Variants in SSU72 observed in about 807,000 individuals in gnomAD.
SSU72 encodes SSU72 homolog, RNA polymerase II CTD phosphatase, also known as RNA polymerase II subunit A C-terminal domain phosphatase SSU72.
Under a neutral mutation model 22.7 loss-of-function variants are expected in SSU72, and 12 were observed. The observed-to-expected ratio is 0.53, with a 90% CI of 0.34 to 0.86. SSU72 has a LOEUF of 0.86. Among genes scored for constraint, SSU72 ranks in the 40% least tolerant of loss-of-function variants. The probability of loss-of-function intolerance (pLI) is 0.02; values close to 1 mark genes in which losing one functional copy is unlikely to be tolerated. For missense variants in SSU72, 151 were observed against 249.8 expected, an observed-to-expected ratio of 0.60 and a Z score of 2.67; for synonymous variants, 116 against 98.3, an observed-to-expected ratio of 1.18 and a Z score of -1.06.
chr1:1,553,653 T>C (rs1402402486), intron 2 of SSU72, among the ~76,000 whole-genome samples: 1 of 146,884 alleles, frequency 6.8e-6, no homozygotes, highest in South Asian at 2.1e-4. Context: ...TAGCCGGGCA[T>C]GGTGGCAGGC....
At chr1:1,567,491 A>C (rs1642675925) in intron 1 of SSU72, among the ~76,000 whole-genome samples, 1 of 152,152 alleles carries the variant, frequency 6.6e-6, no homozygotes, top group Admixed American at 6.6e-5. Flanking sequence ...AGTCATAACC[A>C]CAGATCCTGA....
At chr1:1,546,467 C>T (rs923054142) in intron 2 of SSU72, 4 of 152,224 alleles carry the variant, frequency 2.6e-5, no homozygotes, top group African/African-American at 9.7e-5. Context: ...GGAACTTAGT[C>T]CTTCAGCCGC....
At chr1:1,563,902 T>C (rs1293133495) in intron 2 of SSU72, 3 of 151,268 alleles carry the variant, frequency 2.0e-5, no homozygotes, top group African/African-American at 7.3e-5. Flanking sequence ...ACATAGACAA[T>C]GCTGGGCAAG....
chr1:1,549,149 C>A (rs1642426595), intron 2 of SSU72, among the ~76,000 whole-genome samples: 1 of 152,214 alleles, frequency 6.6e-6, no homozygotes. Context: ...CTGTGGGGGA[C>A]TAACCATCAG....
At position 1,544,950 on chromosome 1, in the gene SSU72, G is replaced by T; in HGVS notation, c.277C>A (p.Pro93Thr). 1 of 1,614,206 alleles carries T rather than the reference G, an allele frequency of 6.2e-7. No homozygotes were observed. Among genetic ancestry groups the T allele is most frequent in the Non-Finnish European group, 8.5e-7 (1 of 1,180,044 alleles). ...HMLDRNKRIK[P>T]RPERFQNCKD... ...CAGTTCTGGAATCTTTCTGGCCGGG[G>T]CTTGATTCTCTTATTTCTGTCCAGC... Residue 93 changes from proline to threonine, a missense_variant, in exon 3 of 5, where the codon CCC becomes ACC. Physicochemically the swap from Pro to Thr is conservative, Grantham distance 38. Coordinates refer to ENST00000291386, the MANE Select transcript of SSU72 (RefSeq NM_014188.3).
intron 2 of SSU72, among the ~76,000 whole-genome samples, chr1:1,553,914 G>A (rs1234479431): frequency 6.6e-6 from 1 of 152,158 alleles, no homozygotes; most frequent in Admixed American, 6.5e-5. Context: ...AAAAAACGGA[G>A]GATAAAGACC....
At chr1:1,553,250 G>A (rs1366766385) in intron 2 of SSU72, among the ~76,000 whole-genome samples, 6 of 151,924 alleles carry the variant, frequency 3.9e-5, no homozygotes, top group Non-Finnish European at 7.4e-5. Flanking sequence ...TCTCCGGCTC[G>A]GCCCCTCTGT....
intron 2 of SSU72, among the ~76,000 whole-genome samples, chr1:1,557,706 G>A (rs1410851669): frequency 6.6e-6 from 1 of 151,762 alleles, no homozygotes; most frequent in Non-Finnish European, 1.5e-5. Flanking sequence ...GCTGAGGCAG[G>A]AGAATCGCTT....
rs1329976844 is a variant in SSU72 at position 1,554,260 on chromosome 1, T to G, written c.225-9258A>C. ...TGAGCATGAGGCGGACCCGGACCAC[T>G]CGGGGGCCCCCACGAAGCTGAGCAC... On this transcript the variant is annotated intron_variant, in intron 2 of 4. Coordinates refer to ENST00000291386, the MANE Select transcript of SSU72 (RefSeq NM_014188.3). The surrounding 1 kb of genome is among the most constrained non-coding windows in gnomAD (Gnocchi z 4.1). Among the ~76,000 whole-genome samples, 1 of 148,546 alleles carries G rather than the reference T, an allele frequency of 6.7e-6. No homozygotes were observed. The highest frequency in any genetic ancestry group is 1.5e-5 in the Non-Finnish European group (1 of 67,650).
At chr1:1,545,053 C>A (rs781769959) in intron 2 of SSU72, 51 bp from the exon 3 acceptor site, 170 of 1,581,914 alleles carry the variant, frequency 1.1e-4, no homozygotes, top group Non-Finnish European at 1.3e-4. Flanking sequence ...GTGTATGAAG[C>A]CTGGAAGCGC....
intron 2 of SSU72, among the ~76,000 whole-genome samples, chr1:1,560,209 G>A (rs938373780): frequency 6.6e-6 from 1 of 151,904 alleles, no homozygotes; most frequent in Admixed American, 6.6e-5. Context: ...TTTTTAACAA[G>A]AGTCTTGTTC....
intron 3 of SSU72, chr1:1,544,490 C>A (rs528433746): frequency 1.3e-5 from 4 of 310,546 alleles, no homozygotes; most frequent in African/African-American, 8.6e-5. Context: ...TGGTGGCACA[C>A]GCCTGTAGTC....
At chr1:1,571,123 T>C (rs970787215) in intron 1 of SSU72, among the ~76,000 whole-genome samples, 3 of 151,858 alleles carry the variant, frequency 2.0e-5, no homozygotes, top group Non-Finnish European at 4.4e-5. Context: ...CGGGTGCCTG[T>C]AGTCCCAGTT....
intron 2 of SSU72, among the ~76,000 whole-genome samples, chr1:1,560,614 T>C (rs1238252107): frequency 2.6e-5 from 4 of 152,216 alleles, no homozygotes; most frequent in African/African-American, 7.2e-5. Context: ...TAACTTATTA[T>C]GGCTCAATGC....
Position 1,560,218 on chromosome 1 carries a change from T to C in SSU72, c.224+4555A>G, listed in dbSNP as rs1037530495. Among the ~76,000 whole-genome samples, 4 of 152,028 alleles carry C rather than the reference T, an allele frequency of 2.6e-5. 1 individual carries two copies. In the South Asian group the frequency reaches 8.3e-4, roughly 32 times the overall value. On this transcript the variant is annotated intron_variant, in intron 2 of 4. Coordinates refer to ENST00000291386, the MANE Select transcript of SSU72 (RefSeq NM_014188.3). ...GAAACTTTTTTAACAAGAGTCTTGT[T>C]CTCTTCCTCAGGCTGGAGCACAATG... is the stretch of plus-strand genomic sequence containing the variant.
At chr1:1,571,036 G>C (rs1301688537) in intron 1 of SSU72, among the ~76,000 whole-genome samples, 1 of 152,100 alleles carries the variant, frequency 6.6e-6, no homozygotes, top group Non-Finnish European at 1.5e-5. Flanking sequence ...CACGAGGTCA[G>C]GAGATCGAGG....
In SSU72 at chr1:1,544,853, G is replaced by A. The variant is rs375359887; in HGVS notation, c.364+10C>T. ...CTGGAGCCCAGCCCAGCACGCAGCC[G>A]CCTCCTCACCTTCCACCACCTGGTC... On this transcript the variant is annotated intron_variant, in intron 3 of 4. Coordinates refer to ENST00000291386, the MANE Select transcript of SSU72 (RefSeq NM_014188.3). The A allele has an allele frequency of 1.8e-5, 29 of 1,613,942 alleles. No individual in the cohort carries two copies. Among genetic ancestry groups the A allele is most frequent in the South Asian group, 2.2e-5 (2 of 91,090 alleles).
At chr1:1,556,941 C>T (rs184860307) in intron 2 of SSU72, among the ~76,000 whole-genome samples, 1 of 152,350 alleles carries the variant, frequency 6.6e-6, no homozygotes, top group Non-Finnish European at 1.5e-5. Context: ...TCTGTCATCT[C>T]AGATGAGAAG....
intron 2 of SSU72, among the ~76,000 whole-genome samples, chr1:1,547,995 G>A (rs1642412130): frequency 2.0e-5 from 3 of 152,250 alleles, no homozygotes; most frequent in South Asian, 4.1e-4. Context: ...ACCAGGCGGA[G>A]GGCCTGACCC....
Sources: gnomAD v4.1 joint callset for allele counts (sites outside exome capture counted in the v4.1 genomes callset) on GRCh38, gnomAD v4.1.1 for gene constraint, Gnocchi (gnomAD v3.1) non-coding constraint, MANE v1.5 for transcripts, NCBI Gene and HGNC (gene_info 2026-07-23, HGNC 2026-07-21) for gene names.